Variants in EFR3A observed in about 807,000 individuals in gnomAD.
EFR3A encodes EFR3 homolog A.
EFR3A carries 76 observed loss-of-function variants against 104.4 expected under a neutral mutation model. That is an observed-to-expected ratio of 0.73 (90% CI 0.60 to 0.88). The LOEUF (loss-of-function observed/expected upper bound fraction) is 0.88. EFR3A is among the 40% of genes least tolerant of loss of function. The pLI, the probability that EFR3A is intolerant of heterozygous loss-of-function variation, is 0.00. For synonymous variants in EFR3A, 330 were observed against 330.0 expected, an observed-to-expected ratio of 1.00 and a Z score of 0.00; for missense variants, 985 against 1,012.5, an observed-to-expected ratio of 0.97 and a Z score of 0.37.
At chr8:131,982,098 C>T (rs1188705521) in intron 14 of EFR3A, among the ~76,000 whole-genome samples, 2 of 152,064 alleles carry the variant, frequency 1.3e-5, no homozygotes, top group African/African-American at 4.8e-5. Context: ...GTTCTGTCTT[C>T]TTCATAACTC....
At chr8:131,970,685 G>T in intron 10 of EFR3A, 42 bp downstream of exon 10, 1 of 1,561,300 alleles carries the variant, frequency 6.4e-7, no homozygotes, top group African/African-American at 1.4e-5. Context: ...GTAAAACAGT[G>T]ATTTACAAAG....
chr8:131,964,550 C>T (rs926878890), intron 8 of EFR3A, among the ~76,000 whole-genome samples: 3 of 152,054 alleles, frequency 2.0e-5, no homozygotes, highest in Admixed American at 6.6e-5. Context: ...GAACTACAAA[C>T]CACTGCTCAA....
chr8:131,906,046 T>G (rs896959918), intron 1 of EFR3A, among the ~76,000 whole-genome samples: 2 of 152,224 alleles, frequency 1.3e-5, no homozygotes, highest in African/African-American at 4.8e-5. Context: ...ATGTTTGTTT[T>G]ATCTGTCATT....
At position 131,944,828 on chromosome 8, in the gene EFR3A, C is replaced by A. The variant is rs1236428988; in HGVS notation, c.171C>A (p.Tyr57Ter). The A allele has an allele frequency of 1.9e-6, 3 of 1,610,646 alleles. No homozygotes were observed. Residue 57 changes from tyrosine to a stop codon, truncating the protein, a stop_gained, in exon 3 of 23, where the codon TAC becomes TAA. Transcript: ENST00000254624. LOFTEE classifies it high-confidence loss of function. The part of the protein sequence containing the change: ...APEKLDRIGS[Y>*]LAERLSRDVV... Reference sequence around the variant, plus strand: ...AGAAACTGGATCGAATTGGTTCTTACCTGGCAGAAAGGTTGAGCAGGGATG... The same window carrying A: ...AGAAACTGGATCGAATTGGTTCTTAACTGGCAGAAAGGTTGAGCAGGGATG...
intron 18 of EFR3A, among the ~76,000 whole-genome samples, chr8:131,989,888 A>T (rs1392922154): frequency 6.6e-6 from 1 of 152,176 alleles, no homozygotes; most frequent in African/African-American, 2.4e-5. Context: ...GTGGTTGATA[A>T]ATGTTAGCTG....
At chr8:131,922,622 T>A (rs1817103489) in intron 1 of EFR3A, among the ~76,000 whole-genome samples, 1 of 152,292 alleles carries the variant, frequency 6.6e-6, no homozygotes, top group Admixed American at 6.5e-5. Flanking sequence ...CATTTACTGT[T>A]AATTTCTCTC....
At chr8:131,976,810 A>G (rs1046394974) in intron 11 of EFR3A, among the ~76,000 whole-genome samples, 19 of 152,160 alleles carry the variant, frequency 1.2e-4, no homozygotes, top group Admixed American at 2.6e-4. Flanking sequence ...CATCAGATGC[A>G]TAGGACTGTT....
At chr8:132,002,001 T>G (rs1020880903) in intron 20 of EFR3A, among the ~76,000 whole-genome samples, 194 bp downstream of exon 20, 1 of 152,200 alleles carries the variant, frequency 6.6e-6, no homozygotes, top group African/African-American at 2.4e-5. Flanking sequence ...CAGGGTCATA[T>G]TCCTGAACAA....
intron 1 of EFR3A, among the ~76,000 whole-genome samples, chr8:131,905,614 C>T (rs1420373151): frequency 2.0e-5 from 3 of 152,092 alleles, no homozygotes; most frequent in Non-Finnish European, 4.4e-5. Context: ...ACTTCGCATC[C>T]AGTAAATATG....
chr8:131,930,565 A>G (rs1439487378), intron 1 of EFR3A, among the ~76,000 whole-genome samples: 1 of 152,010 alleles, frequency 6.6e-6, no homozygotes, highest in African/African-American at 2.4e-5. Context: ...CTATACTTGA[A>G]ATACTTGGCT....
chr8:131,957,819 T>C (rs1819091038), intron 7 of EFR3A, among the ~76,000 whole-genome samples: 1 of 152,196 alleles, frequency 6.6e-6, no homozygotes, highest in Non-Finnish European at 1.5e-5. Context: ...ATTTTGAATA[T>C]CATATTTTTA....
intron 2 of EFR3A, 111 bp downstream of exon 2, chr8:131,940,686 A>C: frequency 2.1e-6 from 3 of 1,427,668 alleles, no homozygotes; most frequent in Non-Finnish European, 2.8e-6. Flanking sequence ...CTTACATCTC[A>C]TCATTTATAC....
chr8:131,943,004 T>C (rs1346959279), intron 2 of EFR3A, among the ~76,000 whole-genome samples: 2 of 152,052 alleles, frequency 1.3e-5, no homozygotes, highest in Non-Finnish European at 2.9e-5. Flanking sequence ...CTTTTGTAAA[T>C]GATGAAAATG....
At chr8:131,950,916 A>C (rs1045996407) in intron 5 of EFR3A, among the ~76,000 whole-genome samples, 1 of 152,180 alleles carries the variant, frequency 6.6e-6, no homozygotes, top group Non-Finnish European at 1.5e-5. Flanking sequence ...AGACATACAG[A>C]AATGAGAAAC....
intron 8 of EFR3A, among the ~76,000 whole-genome samples, chr8:131,961,091 A>G (rs980363154): frequency 1.3e-5 from 2 of 152,240 alleles, no homozygotes; most frequent in Non-Finnish European, 2.9e-5. Flanking sequence ...CCAAAGGTAG[A>G]TAAAACCACA....
At chr8:132,007,080 C>G (rs1350211456) in intron 22 of EFR3A, among the ~76,000 whole-genome samples, 1 of 151,670 alleles carries the variant, frequency 6.6e-6, no homozygotes, top group Non-Finnish European at 1.5e-5. Context: ...TGCCTTTCAC[C>G]TAAAACTGGG....
chr8:132,002,606 C>G lies in EFR3A; in HGVS notation c.2210C>G (p.Thr737Ser), dbSNP rs572300430. 9 of 1,610,064 alleles carry G rather than the reference C, an allele frequency of 5.6e-6. No homozygotes were observed. The African/African-American group carries it at 6.7e-5, about 12-fold the overall frequency. The change falls in exon 21 of 23, where the codon ACC becomes AGC. Residue 737 changes from threonine to serine, a missense_variant. Transcript: ENST00000254624. ...GTCTTTATAAATATTTGTATAGATA[C>G]CAGTGGAATGGAAGAACAGGAAAAG... is the stretch of plus-strand genomic sequence containing the variant. Reference protein sequence around the residue: ...TFEALKKAIDTSGMEEQEKEK... With the variant: ...TFEALKKAIDSSGMEEQEKEK...
chr8:132,006,543 A>G lies in EFR3A; in HGVS notation c.2360+3258A>G, dbSNP rs76534927. ...AACTGTTGAAATAGATTTGCAGTTTAAAAGCATCCTACAAGAAAATGCATT... is the reference window on the plus strand; with the variant it reads ...AACTGTTGAAATAGATTTGCAGTTTGAAAGCATCCTACAAGAAAATGCATT... On this transcript the variant is annotated intron_variant, in intron 22 of 22. Transcript: ENST00000254624. Among the ~76,000 whole-genome samples, 498 of 152,172 alleles carry G rather than the reference A, an allele frequency of 3.3e-3. 1 individual carries two copies. Among genetic ancestry groups the G allele is most frequent in the African/African-American group, 0.012 (482 of 41,548 alleles).
At chr8:131,986,160 T>G in intron 16 of EFR3A, 34 bp from the exon 17 acceptor site, 1 of 1,310,006 alleles carries the variant, frequency 7.6e-7, no homozygotes, top group Non-Finnish European at 1.1e-6. Context: ...GGGTAGGGTT[T>G]TTGATTTTTG....
Sources: allele counts gnomAD v4.1 joint callset (sites outside exome capture counted in the v4.1 genomes callset), GRCh38; gene constraint gnomAD v4.1.1; transcripts MANE v1.5; gene names NCBI Gene and HGNC (gene_info 2026-07-23, HGNC 2026-07-21).